Variants in RAB11FIP4 observed in about 807,000 individuals in gnomAD.
RAB11FIP4 encodes the protein RAB11 family interacting protein 4.
A neutral mutation model predicts 74.3 loss-of-function variants in RAB11FIP4; 23 were observed. That is an observed-to-expected ratio of 0.31 (90% CI 0.22 to 0.44). RAB11FIP4 has a LOEUF of 0.44. Ranked by LOEUF, RAB11FIP4 falls within the 20% of genes least tolerant of loss-of-function variation. RAB11FIP4 has a pLI of 1.00. For missense variants in RAB11FIP4, 630 were observed against 863.9 expected (o/e 0.73, Z 3.39); for synonymous variants, 360 against 359.9 (o/e 1.00, Z 0.00).
chr17:31,435,909 C>T (rs961721909), intron 3 of RAB11FIP4, among the ~76,000 whole-genome samples: 1 of 152,246 alleles, frequency 6.6e-6, no homozygotes, highest in Non-Finnish European at 1.5e-5. Flanking sequence ...GGCCCCAGGC[C>T]CATGCCCATG....
intron 3 of RAB11FIP4, among the ~76,000 whole-genome samples, chr17:31,460,808 G>T (rs776256301): frequency 2.1e-4 from 32 of 151,866 alleles, no homozygotes; most frequent in Non-Finnish European, 4.0e-4. Flanking sequence ...CTAGCTCATT[G>T]CATCCTCCAA....
In RAB11FIP4 at chr17:31,523,900, T is replaced by G. The variant is rs1353992220; in HGVS notation, c.1037T>G (p.Phe346Cys). 6.2e-7 allele frequency: 1 copy of G among 1,610,236 alleles called. No homozygotes were observed. Among genetic ancestry groups the G allele is most frequent in the East Asian group, 2.2e-5 (1 of 44,808 alleles). Residue 346 changes from phenylalanine (F) to cysteine (C), a missense_variant, in exon 9 of 15, where the codon TTC becomes TGC. Phe to Cys is a radical substitution (Grantham distance 205). Coordinates refer to ENST00000621161, the MANE Select transcript of RAB11FIP4 (RefSeq NM_032932.6). ...CCCGGCCCCCTGCTGCAGGTAAGCTTCCTGGAAAAGAAGGTGACAGAGCTG... is the reference window on the plus strand; with the variant it reads ...CCCGGCCCCCTGCTGCAGGTAAGCTGCCTGGAAAAGAAGGTGACAGAGCTG... ...CDNDITEKVS[F>C]LEKKVTELEN...
intron 1 of RAB11FIP4, among the ~76,000 whole-genome samples, chr17:31,422,658 G>T (rs574956558): frequency 6.6e-6 from 1 of 151,938 alleles, no homozygotes; most frequent in African/African-American, 2.4e-5. Flanking sequence ...ATCACTGTTT[G>T]TACTGTGATT....
chr17:31,402,834 C>T lies in RAB11FIP4; in HGVS notation c.159+10823C>T, dbSNP rs531719227. 2.9e-3 allele frequency among the ~76,000 whole-genome samples: 445 copies of T among 151,758 alleles called. 4 individuals are homozygous for T. The highest frequency in any genetic ancestry group is 2.7e-3 in the South Asian group (13 of 4,796). On this transcript the variant is annotated intron_variant, in intron 1 of 14. Coordinates refer to ENST00000621161, the MANE Select transcript of RAB11FIP4 (RefSeq NM_032932.6). ...TAGAGACGGGGTTTCACCGTGTTAG[C>T]CAGGATGGTCTCGATCTCCTGACCT...
At chr17:31,472,675 G>A (rs192554959) in intron 3 of RAB11FIP4, among the ~76,000 whole-genome samples, 169 of 152,312 alleles carry the variant, frequency 1.1e-3, no homozygotes, top group African/African-American at 3.9e-3. Context: ...GATGGCCATG[G>A]TGGGGGTTTT....
At chr17:31,491,664 G>C (rs1183394179) in intron 3 of RAB11FIP4, among the ~76,000 whole-genome samples, 3 of 152,176 alleles carry the variant, frequency 2.0e-5, no homozygotes, top group African/African-American at 7.2e-5. Context: ...GGGGACAGGG[G>C]ACAAGCTCAG....
At chr17:31,444,548 A>G (rs1254903719) in intron 3 of RAB11FIP4, among the ~76,000 whole-genome samples, 3 of 152,074 alleles carry the variant, frequency 2.0e-5, no homozygotes, top group East Asian at 1.9e-4. Flanking sequence ...TGTGTCTTCT[A>G]CCTCCTACCC....
At chr17:31,435,935 C>T (rs1463457629) in intron 3 of RAB11FIP4, among the ~76,000 whole-genome samples, 1 of 152,220 alleles carries the variant, frequency 6.6e-6, no homozygotes, top group Non-Finnish European at 1.5e-5. Flanking sequence ...AGTGATGGCT[C>T]CAGGCCTGTC....
intron 13 of RAB11FIP4, among the ~76,000 whole-genome samples, chr17:31,529,986 C>T (rs1272669186): frequency 6.6e-6 from 1 of 152,170 alleles, no homozygotes; most frequent in East Asian, 1.9e-4. Flanking sequence ...GAGCCCAGAG[C>T]ATCACTTCCT....
chr17:31,417,641 A>G (rs932437439), intron 1 of RAB11FIP4, among the ~76,000 whole-genome samples: 1 of 152,224 alleles, frequency 6.6e-6, no homozygotes, highest in African/African-American at 2.4e-5. Flanking sequence ...GAAGGAATGC[A>G]GCCTAGGTGG....
Position 31,532,781 on chromosome 17 carries a change from C to G in RAB11FIP4, c.*1049C>G, listed in dbSNP as rs548642441. The stretch of plus-strand genomic sequence containing the variant: ...TGGCAGCAAGACTGCTTCGTTCCAG[C>G]GTTTAGAAACACACCTGTATTTGAT... On this transcript the variant is annotated 3_prime_UTR_variant, in exon 15 of 15. Coordinates refer to ENST00000621161, the MANE Select transcript of RAB11FIP4 (RefSeq NM_032932.6). The G allele has an allele frequency of 2.0e-5, 3 of 152,106 alleles. No individual in the cohort carries two copies. Among genetic ancestry groups the G allele is most frequent in the African/African-American group, 7.3e-5 (3 of 41,376 alleles). The allele number at this position is 152,106 out of a possible 1,614,324, so 9.4% of individuals were successfully genotyped here.
intron 3 of RAB11FIP4, among the ~76,000 whole-genome samples, chr17:31,486,711 G>A (rs2142744501): frequency 6.6e-6 from 1 of 152,322 alleles, no homozygotes; most frequent in South Asian, 2.1e-4. Flanking sequence ...CCGAGGAGAG[G>A]GCTGGGGCAG....
In RAB11FIP4 at chr17:31,536,133, G is replaced by A. The variant is rs2072958343; in HGVS notation, c.*4401G>A. ...GGGCCAGCAGGGCCAGGTGAAACTG[G>A]GAGAAATGAAGCCCTCTGTGTCCTG... On this transcript the variant is annotated 3_prime_UTR_variant, in exon 15 of 15. Coordinates refer to ENST00000621161, the MANE Select transcript of RAB11FIP4 (RefSeq NM_032932.6). 1 of 152,130 alleles carries A rather than the reference G, an allele frequency of 6.6e-6. No individual in the cohort carries two copies. The allele number at this position is 152,130 out of a possible 1,614,324, so 9.4% of individuals were successfully genotyped here.
At chr17:31,433,301 G>C (rs907505282) in intron 2 of RAB11FIP4, among the ~76,000 whole-genome samples, 1 of 152,214 alleles carries the variant, frequency 6.6e-6, no homozygotes, top group African/African-American at 2.4e-5. Context: ...CTGCGGCTCA[G>C]ATCAAGTTTA....
intron 3 of RAB11FIP4, among the ~76,000 whole-genome samples, chr17:31,466,704 T>A (rs2071689344): frequency 6.6e-6 from 1 of 152,180 alleles, no homozygotes; most frequent in African/African-American, 2.4e-5. Flanking sequence ...TTCACTCATG[T>A]ACCTTCCTAC....
chr17:31,396,460 AATAC>A (rs2151612555), intron 1 of RAB11FIP4, among the ~76,000 whole-genome samples: 1 of 152,334 alleles, frequency 6.6e-6, no homozygotes, highest in South Asian at 2.1e-4. Flanking sequence ...TGAGTGAGTT[AATAC>A]ATACAAAGGG....
chr17:31,430,146 A>G (rs1470518089), intron 1 of RAB11FIP4, among the ~76,000 whole-genome samples: 1 of 152,142 alleles, frequency 6.6e-6, no homozygotes, highest in Non-Finnish European at 1.5e-5. Flanking sequence ...ATGAACTGAC[A>G]TGGCGAATGG....
chr17:31,507,608 T>C (rs2072375773), intron 3 of RAB11FIP4, among the ~76,000 whole-genome samples: 1 of 152,140 alleles, frequency 6.6e-6, no homozygotes, highest in African/African-American at 2.4e-5. Flanking sequence ...ATCTGTCCTT[T>C]TGGATGATTC....
chr17:31,522,687 G>T, intron 7 of RAB11FIP4: 1 of 488,650 alleles, frequency 2.0e-6, no homozygotes, highest in Admixed American at 3.8e-5. Flanking sequence ...ACCCCACAGC[G>T]TTCAGTGCCC....
Sources: allele counts gnomAD v4.1 joint callset (sites outside exome capture counted in the v4.1 genomes callset), GRCh38; gene constraint gnomAD v4.1.1; transcripts MANE v1.5; gene names NCBI Gene and HGNC (gene_info 2026-07-23, HGNC 2026-07-21).